LUZP2: variants seen among roughly 807,000 people sequenced by gnomAD.
LUZP2 encodes the protein leucine zipper protein 2.
A neutral mutation model predicts 51.6 loss-of-function variants in LUZP2; 52 were observed. The observed-to-expected ratio is 1.01, with a 90% CI of 0.81 to 1.27. The LOEUF is 1.27. Ranked by LOEUF, LUZP2 falls within the 50% of genes most tolerant of loss-of-function variation. The pLI is 0.00. For missense variants in LUZP2, 436 were observed against 395.4 expected (o/e 1.10, Z -0.87); for synonymous variants, 154 against 137.3 (o/e 1.12, Z -0.85).
chr11:24,641,073 C>T (rs1243591698), intron 1 of LUZP2, among the ~76,000 whole-genome samples: 2 of 151,286 alleles, frequency 1.3e-5, no homozygotes, highest in African/African-American at 4.9e-5. Flanking sequence ...GCCACCATGG[C>T]CAGCCAATTT....
At chr11:24,743,582 CT>C (rs1859267319) in intron 4 of LUZP2, among the ~76,000 whole-genome samples, 1 of 151,990 alleles carries the variant, frequency 6.6e-6, no homozygotes. Context: ...GTTCTAGGAG[CT>C]TTTCAGAGGA....
intron 7 of LUZP2, among the ~76,000 whole-genome samples, chr11:24,915,904 G>A (rs550333926): frequency 9.2e-5 from 14 of 152,034 alleles, no homozygotes; most frequent in Admixed American, 2.0e-4. Flanking sequence ...TTGACAAACT[G>A]GTGAACCCTG....
chr11:24,526,117 A>G (rs1850792026), intron 1 of LUZP2, among the ~76,000 whole-genome samples: 1 of 148,842 alleles, frequency 6.7e-6, no homozygotes, highest in Non-Finnish European at 1.5e-5. Flanking sequence ...ACATTTTAAG[A>G]TAAATATCCA....
intron 5 of LUZP2, among the ~76,000 whole-genome samples, chr11:24,815,207 T>A (rs1304237059): frequency 6.6e-6 from 1 of 152,208 alleles, no homozygotes; most frequent in African/African-American, 2.4e-5. Flanking sequence ...TGAATCTATA[T>A]CATTATTTTT....
At chr11:24,734,733 A>T (rs1034115477) in intron 3 of LUZP2, among the ~76,000 whole-genome samples, 3 of 151,994 alleles carry the variant, frequency 2.0e-5, no homozygotes, top group African/African-American at 7.2e-5. Flanking sequence ...AATCTGACTT[A>T]TTAGTAAACA....
intron 9 of LUZP2, among the ~76,000 whole-genome samples, chr11:24,998,235 A>G (rs1378283328): frequency 2.0e-5 from 3 of 152,102 alleles, no homozygotes; most frequent in Non-Finnish European, 4.4e-5. Context: ...CACGATATCG[A>G]TTCTTCCTAC....
chr11:24,786,560 A>G, intron 5 of LUZP2: 1 of 353,280 alleles, frequency 2.8e-6, no homozygotes, highest in Non-Finnish European at 3.9e-6. Context: ...ACAGGTGTAT[A>G]TAATTATATA....
intron 9 of LUZP2, among the ~76,000 whole-genome samples, chr11:25,030,710 G>T (rs547646086): frequency 4.9e-4 from 74 of 149,584 alleles, no homozygotes; most frequent in Non-Finnish European, 9.0e-4. Flanking sequence ...TACATAATTT[G>T]TTTTCCTCAT....
intron 4 of LUZP2, chr11:24,751,681 C>G (rs573993815): frequency 1.2e-5 from 5 of 433,030 alleles, no homozygotes; most frequent in Non-Finnish European, 1.2e-5. Context: ...TTTCCTGTAC[C>G]CATTGCCACA....
chr11:24,592,929 T>C (rs1014021694), intron 1 of LUZP2, among the ~76,000 whole-genome samples: 1 of 152,200 alleles, frequency 6.6e-6, no homozygotes, highest in Non-Finnish European at 1.5e-5. Flanking sequence ...CAGACATCTA[T>C]TGGTGATGCA....
At chr11:24,983,343 G>T in intron 9 of LUZP2, 50 bp downstream of exon 9, 1 of 1,557,844 alleles carries the variant, frequency 6.4e-7, no homozygotes, top group South Asian at 1.1e-5. Flanking sequence ...GTAATGTGTT[G>T]TCTTTAAAGC....
At chr11:24,755,038 G>A (rs886715191) in intron 4 of LUZP2, among the ~76,000 whole-genome samples, 2 of 151,540 alleles carry the variant, frequency 1.3e-5, no homozygotes, top group Non-Finnish European at 2.9e-5. Context: ...CCAGCTACTC[G>A]GGAGACTGAG....
intron 1 of LUZP2, among the ~76,000 whole-genome samples, chr11:24,562,779 A>G (rs7117982): frequency 0.37 from 55,260 of 149,124 alleles, 10,572 homozygotes; most frequent in Middle Eastern, 0.48. Context: ...GGAGAATGGC[A>G]TGAACCCGGG....
intron 5 of LUZP2, among the ~76,000 whole-genome samples, chr11:24,826,835 T>C (rs933690256): frequency 6.6e-5 from 10 of 152,150 alleles, no homozygotes; most frequent in Non-Finnish European, 1.0e-4. Context: ...GGCAAAAGAA[T>C]ACAGCATGAT....
chr11:24,593,721 T>A (rs1853334191), intron 1 of LUZP2, among the ~76,000 whole-genome samples: 1 of 152,208 alleles, frequency 6.6e-6, no homozygotes, highest in African/African-American at 2.4e-5. Flanking sequence ...AATAGGCTCT[T>A]ACAGAAGCTC....
At chr11:25,061,897 A>AG (rs1163731331) in intron 10 of LUZP2, among the ~76,000 whole-genome samples, 13 of 152,142 alleles carry the variant, frequency 8.5e-5, no homozygotes, top group Admixed American at 8.5e-4. Context: ...TTTGAAATTG[A>AG]TATGGAATGA....
chr11:24,594,222 T>G (rs1410188628), intron 1 of LUZP2, among the ~76,000 whole-genome samples: 1 of 152,190 alleles, frequency 6.6e-6, no homozygotes, highest in African/African-American at 2.4e-5. Flanking sequence ...AAATCCATAT[T>G]TGTTATTCCA....
chr11:24,583,953 C>T (rs1407221356), intron 1 of LUZP2, among the ~76,000 whole-genome samples: 4 of 151,910 alleles, frequency 2.6e-5, no homozygotes, highest in Admixed American at 2.6e-4. Context: ...ACCTTGTGAT[C>T]CGCCGGTCTC....
chr11:24,744,731 T>A (rs926272092), intron 4 of LUZP2, among the ~76,000 whole-genome samples: 5 of 152,176 alleles, frequency 3.3e-5, no homozygotes, highest in South Asian at 2.1e-4. Flanking sequence ...ATCTTGGTTA[T>A]TTCCTTTTTT....
Sources: allele counts gnomAD v4.1 joint callset (sites outside exome capture counted in the v4.1 genomes callset), GRCh38; gene constraint gnomAD v4.1.1; transcripts MANE v1.5; gene names NCBI Gene and HGNC (gene_info 2026-07-23, HGNC 2026-07-21).